EDNRB: variants seen among roughly 807,000 people sequenced by gnomAD.
EDNRB encodes endothelin receptor type B, also known as Hirschsprung disease 2.
In EDNRB, 18 loss-of-function variants were observed where a neutral mutation model predicts 46.4. The observed-to-expected ratio is 0.39, with a 90% CI of 0.27 to 0.57. The LOEUF (loss-of-function observed/expected upper bound fraction) is 0.57, where lower values mean the gene tolerates loss of function less well. EDNRB is among the 20% of genes least tolerant of loss of function. EDNRB has a pLI of 0.61. For synonymous variants in EDNRB, 213 were observed against 204.9 expected, an observed-to-expected ratio of 1.04 and a Z score of -0.34; for missense variants, 434 against 537.5, an observed-to-expected ratio of 0.81 and a Z score of 1.90.
rs113449561 is a variant in EDNRB at position 77,974,767 on chromosome 13, T to G, written c.-52+580A>C. 5.2e-3 allele frequency among the ~76,000 whole-genome samples: 787 copies of G among 152,254 alleles called. 12 individuals are homozygous for G. The highest frequency in any genetic ancestry group is 0.018 in the African/African-American group (740 of 41,548). On this transcript the variant is annotated intron_variant, in intron 1 of 7. Coordinates refer to the EDNRB transcript ENST00000646948. The stretch of plus-strand genomic sequence containing the variant: ...TTTACAGGTTACCTTGTGCCATACC[T>G]TTGAAACAAGGGACCTTTCCAGGCT...
intron 1 of EDNRB, among the ~76,000 whole-genome samples, chr13:77,955,512 G>C (rs181844173): frequency 2.3e-4 from 35 of 152,166 alleles, no homozygotes; most frequent in Admixed American, 1.9e-3. Context: ...TGTTGCTTAT[G>C]CTTTTGGTGT....
chr13:77,968,652 G>A (rs1881644381), intron 1 of EDNRB, among the ~76,000 whole-genome samples: 1 of 152,128 alleles, frequency 6.6e-6, no homozygotes, highest in Admixed American at 6.6e-5. Context: ...AACAAAGAGA[G>A]CATGTGCTAC....
intron 1 of EDNRB, among the ~76,000 whole-genome samples, chr13:77,904,393 T>G (rs193030130): frequency 5.3e-5 from 8 of 152,046 alleles, no homozygotes; most frequent in African/African-American, 1.9e-4. Flanking sequence ...AACTTATTTG[T>G]TTGCTTAGAT....
intron 1 of EDNRB, among the ~76,000 whole-genome samples, chr13:77,974,507 T>C (rs968589961): frequency 5.3e-5 from 8 of 152,156 alleles, no homozygotes; most frequent in Admixed American, 4.6e-4. Context: ...AATTATCAAT[T>C]ATAGGTTTCA....
At chr13:77,921,952 G>GT (rs992858804), upstream of EDNRB, among the ~76,000 whole-genome samples, 17 of 150,942 alleles carry the variant, frequency 1.1e-4, no homozygotes, top group East Asian at 3.9e-4. Flanking sequence ...TATGGATATA[G>GT]TTTTTTTTTC....
intron 1 of EDNRB, among the ~76,000 whole-genome samples, chr13:77,940,686 G>A (rs1880717370): frequency 6.7e-6 from 1 of 149,846 alleles, no homozygotes; most frequent in Admixed American, 6.7e-5. Flanking sequence ...CAAAGCCAAG[G>A]AAAAGATGAA....
At chr13:77,942,739 A>G (rs1880790821) in intron 1 of EDNRB, among the ~76,000 whole-genome samples, 1 of 152,098 alleles carries the variant, frequency 6.6e-6, no homozygotes, top group Admixed American at 6.6e-5. Flanking sequence ...AAATATCTAT[A>G]TGACTCATAA....
Position 77,918,118 on chromosome 13 carries a change from G to A in EDNRB, c.456C>T (p.Val152=). Residue 152 remains valine, a synonymous_variant, in exon 1 of 7, where the codon GTC becomes GTT. Transcript: ENST00000646607. This position sits in a 1 kb window ranked among gnomAD's most constrained non-coding sequence, Gnocchi z 4.5. The part of the protein sequence containing the change: ...SLALGDLLHI[V]IDIPINVYKL... ...TGTAGACATTGATAGGGATGTCAAT[G>A]ACGATGTGCAGCAGGTCTCCCAGAG... is the stretch of plus-strand genomic sequence containing the variant. 1 of 1,614,184 alleles carries A rather than the reference G, an allele frequency of 6.2e-7. No individual in the cohort carries two copies. Among genetic ancestry groups the A allele is most frequent in the South Asian group, 1.1e-5 (1 of 91,070 alleles).
At chr13:77,935,624 C>T (rs757205097) in intron 1 of EDNRB, among the ~76,000 whole-genome samples, 41 of 152,200 alleles carry the variant, frequency 2.7e-4, no homozygotes, top group Non-Finnish European at 4.0e-4. Flanking sequence ...ATGAGAATTA[C>T]GCCAAAACAG....
At chr13:77,933,145 C>G (rs1358749487) in intron 1 of EDNRB, among the ~76,000 whole-genome samples, 2 of 152,166 alleles carry the variant, frequency 1.3e-5, no homozygotes, top group Admixed American at 1.3e-4. Flanking sequence ...ATGCCCATTT[C>G]AAAACACCTG....
At chr13:77,927,617 C>T (rs934266742) in intron 1 of EDNRB, among the ~76,000 whole-genome samples, 1 of 152,140 alleles carries the variant, frequency 6.6e-6, no homozygotes, top group African/African-American at 2.4e-5. Context: ...TACTGGGATG[C>T]TTTGCATGAA....
rs754007018 is a variant in EDNRB, at chr13:77,908,870, T to C, written c.484-5263A>G. On this transcript the variant is annotated intron_variant, in intron 1 of 6. Coordinates refer to ENST00000646607, the MANE Select transcript of EDNRB (RefSeq NM_001122659.3). ...TTAAAATTTTAAATCCTGTTTAAAA[T>C]TCAGTTGAATATATGTTACCTAACA... 3.9e-5 allele frequency among the ~76,000 whole-genome samples: 6 copies of C among 152,030 alleles called. No homozygotes were observed. In the East Asian group the frequency reaches 1.2e-3, roughly 29 times the overall value.
At chr13:77,963,310 A>G (rs1306977418) in intron 1 of EDNRB, among the ~76,000 whole-genome samples, 3 of 152,230 alleles carry the variant, frequency 2.0e-5, no homozygotes, top group Non-Finnish European at 4.4e-5. Context: ...TCACATTGCC[A>G]AGTCAGTCCT....
chr13:77,900,923 A>T, intron 4 of EDNRB, 135 bp downstream of exon 4: 1 of 1,090,668 alleles, frequency 9.2e-7, no homozygotes, highest in Non-Finnish European at 1.3e-6. Flanking sequence ...TTATCTATTT[A>T]AAACTACCAG....
chr13:77,932,567 GC>G (rs2137655571), intron 1 of EDNRB, among the ~76,000 whole-genome samples: 1 of 152,314 alleles, frequency 6.6e-6, no homozygotes, highest in Non-Finnish European at 1.5e-5. Context: ...TATGGCTACA[GC>G]GTAAGACAGA....
At chr13:77,953,705 G>A (rs1881156670) in intron 1 of EDNRB, among the ~76,000 whole-genome samples, 1 of 152,198 alleles carries the variant, frequency 6.6e-6, no homozygotes. Context: ...CTGTGGTAGA[G>A]AGATGGATTT....
intron 1 of EDNRB, among the ~76,000 whole-genome samples, chr13:77,961,946 A>G (rs1309510342): frequency 1.3e-5 from 2 of 152,208 alleles, no homozygotes; most frequent in African/African-American, 4.8e-5. Flanking sequence ...GATAAAGGGG[A>G]TATCACCACC....
chr13:77,971,493 A>T (rs1594405417), intron 1 of EDNRB, among the ~76,000 whole-genome samples: 1 of 149,232 alleles, frequency 6.7e-6, no homozygotes, highest in Non-Finnish European at 1.5e-5. Flanking sequence ...CTGGATTAAA[A>T]CTCCAACTGC....
intron 1 of EDNRB, among the ~76,000 whole-genome samples, chr13:77,941,448 T>G (rs1312245371): frequency 6.6e-6 from 1 of 152,222 alleles, no homozygotes; most frequent in Non-Finnish European, 1.5e-5. Flanking sequence ...TTACTTGTAT[T>G]GCACTATCAT....
Sources: gnomAD v4.1 joint callset for allele counts (sites outside exome capture counted in the v4.1 genomes callset) on GRCh38, gnomAD v4.1.1 for gene constraint, Gnocchi (gnomAD v3.1) non-coding constraint, MANE v1.5 for transcripts, NCBI Gene and HGNC (gene_info 2026-07-23, HGNC 2026-07-21) for gene names.